Variants in ZNF536 observed in about 807,000 individuals in gnomAD.
ZNF536 encodes zinc finger protein 536.
In ZNF536, 13 loss-of-function variants were observed where a neutral mutation model predicts 84.5. That is an observed-to-expected ratio of 0.15 (90% confidence interval 0.10 to 0.24). The LOEUF (loss-of-function observed/expected upper bound fraction) is 0.24, where lower values mean the gene tolerates loss of function less well. Ranked by LOEUF, ZNF536 falls within the 10% of genes least tolerant of loss-of-function variation. The probability of loss-of-function intolerance (pLI) is 1.00; values close to 1 mark genes in which losing one functional copy is unlikely to be tolerated. For synonymous variants in ZNF536, 811 were observed against 742.5 expected (o/e 1.09, Z -1.50); for missense variants, 1,536 against 1,747.5 (o/e 0.88, Z 2.16).
At chr19:30,654,131 G>A (rs994974634) in intron 1 of ZNF536, among the ~76,000 whole-genome samples, 6 of 152,274 alleles carry the variant, frequency 3.9e-5, no homozygotes, top group Admixed American at 2.6e-4. Context: ...TGAAACAAGC[G>A]GGCTGCATAA....
At chr19:30,477,657 GTGTC>G (rs1432202840) in intron 2 of ZNF536, among the ~76,000 whole-genome samples, 1 of 152,192 alleles carries the variant, frequency 6.6e-6, no homozygotes, top group Non-Finnish European at 1.5e-5. Flanking sequence ...GACAGGGGCT[GTGTC>G]TGTCCCCTCT....
intron 1 of ZNF536, among the ~76,000 whole-genome samples, chr19:30,671,511 C>T (rs1782682419): frequency 6.6e-6 from 1 of 152,052 alleles, no homozygotes. Context: ...GACTCTGGGG[C>T]TTCAGGGGTG....
intron 1 of ZNF536, among the ~76,000 whole-genome samples, chr19:30,238,608 G>A (rs887684622): frequency 2.6e-5 from 4 of 151,298 alleles, no homozygotes; most frequent in Non-Finnish European, 5.9e-5. Context: ...TCTTTCTTCC[G>A]TCTTTTCCTC....
At chr19:30,554,052 T>G (rs1346382872) in intron 4 of ZNF536, 1 of 151,648 alleles carries the variant, frequency 6.6e-6, no homozygotes, top group Non-Finnish European at 1.5e-5. Context: ...ATAAAGGTCT[T>G]CTGGGCTTCC....
rs572639721 is a variant in ZNF536 at position 30,575,155 on chromosome 19, G to T, written c.169+25641G>T. 2.2e-4 allele frequency among the ~76,000 whole-genome samples: 33 copies of T among 151,042 alleles called. 1 individual carries two copies. In the East Asian group the frequency reaches 5.6e-3, roughly 26 times the overall value. ...ATTCATTCATTCATTCATTCATTCA[G>T]CAAGCAAGCATTGATGGAACATCTC... is the stretch of plus-strand genomic sequence containing the variant. On this transcript the variant is annotated intron_variant, in intron 1 of 1. Transcript: ENST00000592773.
At chr19:30,229,956 A>G (rs931903527) in intron 1 of ZNF536, among the ~76,000 whole-genome samples, 1 of 152,142 alleles carries the variant, frequency 6.6e-6, no homozygotes. Flanking sequence ...CAAAGTTTAG[A>G]AAACTTTTAA....
intron 2 of ZNF536, among the ~76,000 whole-genome samples, chr19:30,520,940 A>G (rs2044295559): frequency 6.6e-6 from 1 of 152,192 alleles, no homozygotes; most frequent in Non-Finnish European, 1.5e-5. Context: ...CGGAGCCCAG[A>G]GCCGGCCATT....
intron 1 of ZNF536, among the ~76,000 whole-genome samples, chr19:30,248,455 G>A (rs964996701): frequency 1.2e-4 from 18 of 150,138 alleles, no homozygotes; most frequent in Non-Finnish European, 1.9e-4. Context: ...TGTTGGCCAG[G>A]CTCGTCTCGC....
At chr19:30,584,501 C>G (rs1228865669) in intron 1 of ZNF536, among the ~76,000 whole-genome samples, 1 of 152,188 alleles carries the variant, frequency 6.6e-6, no homozygotes, top group Non-Finnish European at 1.5e-5. Context: ...GTGTGTGACT[C>G]TCTCTCCACA....
At chr19:30,659,676 G>C (rs1057214922) in intron 1 of ZNF536, among the ~76,000 whole-genome samples, 16 of 152,260 alleles carry the variant, frequency 1.1e-4, no homozygotes, top group Admixed American at 5.9e-4. Context: ...ATCAGATCTT[G>C]TGAGAACTCA....
chr19:30,653,720 G>A (rs2049798815), intron 1 of ZNF536, among the ~76,000 whole-genome samples: 1 of 152,044 alleles, frequency 6.6e-6, no homozygotes, highest in Non-Finnish European at 1.5e-5. Flanking sequence ...GAAGAGAGGT[G>A]GGAGTCACTT....
intron 2 of ZNF536, among the ~76,000 whole-genome samples, chr19:30,319,725 T>G (rs1177088415): frequency 2.0e-5 from 3 of 152,250 alleles, no homozygotes; most frequent in Admixed American, 1.3e-4. Flanking sequence ...TGCATCTCCA[T>G]TTTTGAGATT....
intron 1 of ZNF536, among the ~76,000 whole-genome samples, chr19:30,239,137 G>A (rs1289413137): frequency 6.6e-6 from 1 of 152,164 alleles, no homozygotes; most frequent in Non-Finnish European, 1.5e-5. Flanking sequence ...GGAAAGTAGG[G>A]AATGCCCTAG....
intron 1 of ZNF536, among the ~76,000 whole-genome samples, chr19:30,572,930 A>G (rs534886430): frequency 2.8e-4 from 43 of 152,304 alleles, no homozygotes; most frequent in Non-Finnish European, 5.1e-4. Context: ...ATTCACCTGG[A>G]AAACGTGGCC....
intron 2 of ZNF536, among the ~76,000 whole-genome samples, chr19:30,528,789 G>T (rs144461752): frequency 6.6e-6 from 1 of 152,202 alleles, no homozygotes; most frequent in Non-Finnish European, 1.5e-5. Flanking sequence ...AGAGAAGTTG[G>T]GATACGTAGG....
intron 1 of ZNF536, among the ~76,000 whole-genome samples, chr19:30,698,404 C>T (rs1600305094): frequency 6.6e-6 from 1 of 152,106 alleles, no homozygotes; most frequent in Non-Finnish European, 1.5e-5. Flanking sequence ...TCACAATTCA[C>T]GAAGCAATAT....
chr19:30,700,411 A>G (rs1285611615), intron 1 of ZNF536, among the ~76,000 whole-genome samples: 1 of 130,572 alleles, frequency 7.7e-6, no homozygotes, highest in Non-Finnish European at 1.5e-5. Context: ...TCTCTTTTTC[A>G]GAGTCTTGCT....
At chr19:30,245,471 A>G (rs4805531) in intron 1 of ZNF536, among the ~76,000 whole-genome samples, 41,572 of 152,104 alleles carry the variant, frequency 0.27, 6,115 homozygotes, top group East Asian at 0.41. Flanking sequence ...GTTTTGTAAG[A>G]ATGTTACTTT....
At chr19:30,344,906 T>A (rs1480500925) in intron 2 of ZNF536, among the ~76,000 whole-genome samples, 1 of 152,182 alleles carries the variant, frequency 6.6e-6, no homozygotes, top group African/African-American at 2.4e-5. Context: ...ACTGCTTGTC[T>A]AGTGAATGGC....
Sources: gnomAD v4.1 joint callset for allele counts (sites outside exome capture counted in the v4.1 genomes callset) on GRCh38, gnomAD v4.1.1 for gene constraint, MANE v1.5 for transcripts, NCBI Gene and HGNC (gene_info 2026-07-23, HGNC 2026-07-21) for gene names.